The following RFWD3 variants were observed in gnomAD, a reference collection of about 807,000 sequenced individuals.
RFWD3 encodes the protein E3 ubiquitin-protein ligase RFWD3.
RFWD3 carries 65 observed loss-of-function variants against 87.7 expected under a neutral mutation model. That is an observed-to-expected ratio of 0.74 (90% confidence interval 0.61 to 0.91). The LOEUF is 0.91. Among genes scored for constraint, RFWD3 ranks in the 40% least tolerant of loss-of-function variants. The pLI, the probability that RFWD3 is intolerant of heterozygous loss-of-function variation, is 0.00. For synonymous variants in RFWD3, 433 were observed against 352.8 expected, an observed-to-expected ratio of 1.23 and a Z score of -2.55; for missense variants, 1,078 against 938.5, an observed-to-expected ratio of 1.15 and a Z score of -1.94.
chr16:74,664,179 C>T (rs1961690041), intron 1 of RFWD3, among the ~76,000 whole-genome samples: 2 of 152,106 alleles, frequency 1.3e-5, no homozygotes, highest in South Asian at 4.1e-4. Flanking sequence ...TTCAACTCCT[C>T]GGCTCAAGCA....
chr16:74,641,110 T>C (rs909820573), intron 6 of RFWD3, among the ~76,000 whole-genome samples: 1 of 152,106 alleles, frequency 6.6e-6, no homozygotes, highest in Non-Finnish European at 1.5e-5. Flanking sequence ...GCATGGCTAA[T>C]ATTAACAAGT....
rs1555529889 is a variant in RFWD3 at position 74,666,846 on chromosome 16, G to GTAGTTACCTCCA, written c.-64_-63insTGGAGGTAACTA. Reference sequence around the variant, plus strand: ...CGCCGAAGACTCGGTAGTTACCTCGGCCGCACTCCGAATGCACCTACGCCA... The same window carrying GTAGTTACCTCCA: ...CGCCGAAGACTCGGTAGTTACCTCGGTAGTTACCTCCACCGCACTCCGAATGCACCTACGCCA... On this transcript the variant is annotated 5_prime_UTR_variant, in exon 1 of 13. Transcript: ENST00000361070. 4.6e-5 allele frequency: 7 copies of GTAGTTACCTCCA among 152,322 alleles called. No homozygotes were observed. The East Asian group carries it at 7.7e-4, about 17-fold the overall frequency. 9.4% of individuals were successfully genotyped at this position (152,322 alleles called of 1,614,324 possible).
intron 3 of RFWD3, 76 bp downstream of exon 3, chr16:74,651,844 T>C: frequency 7.7e-7 from 1 of 1,305,376 alleles, no homozygotes; most frequent in Non-Finnish European, 1.1e-6. Context: ...AAAGCACAAA[T>C]CTAGTTTCTA....
rs1874295983 is a variant in RFWD3, at chr16:74,649,323, T to C, written c.722-121A>G. 1.4e-5 allele frequency: 9 copies of C among 630,408 alleles called. No homozygotes were observed. In the South Asian group the frequency reaches 1.5e-4, roughly 11 times the overall value. 39.1% of individuals were successfully genotyped at this position (630,408 alleles called of 1,614,324 possible). A position where few individuals can be genotyped will look rare whatever the true frequency, so the allele number is the denominator to read the frequency against. On this transcript the variant is annotated intron_variant, in intron 3 of 12. Transcript: ENST00000361070. ...AGCTTCCCATTTCTAACTGACAGTGTTCCTGCAAAAAGGATGACAACTTCC... is the reference window on the plus strand; with the variant it reads ...AGCTTCCCATTTCTAACTGACAGTGCTCCTGCAAAAAGGATGACAACTTCC...
In RFWD3 at chr16:74,626,465, C is replaced by T. The variant is rs776553550; in HGVS notation, c.2059G>A (p.Val687Ile). 9 of 1,614,010 alleles carry T rather than the reference C, an allele frequency of 5.6e-6. No homozygotes were observed. The highest frequency in any genetic ancestry group is 2.7e-5 in the African/African-American group (2 of 74,914). ...TGNPICSCQP[V>I]HTFFGGPTCK... ...GTAGGTCCTCCAAAAAATGTATGTA[C>T]AGGCTGGCAGGAGCAGATTGGATTT... Residue 687 changes from valine to isoleucine, a missense_variant, in exon 12 of 13, where the codon GTA (valine) becomes ATA (isoleucine). By Grantham distance (29) the Val-to-Ile change is conservative. Transcript: ENST00000361070.
At chr16:74,660,837 C>T (rs1292888028) in intron 2 of RFWD3, 95 bp downstream of exon 2, 1 of 1,434,846 alleles carries the variant, frequency 7.0e-7, no homozygotes, top group African/African-American at 1.4e-5. Context: ...ACCTGACTTG[C>T]CAAAAGTCAC....
chr16:74,627,659 AG>A (rs1265277906), intron 11 of RFWD3, among the ~76,000 whole-genome samples: 1 of 152,218 alleles, frequency 6.6e-6, no homozygotes, highest in East Asian at 1.9e-4. Context: ...TTCAGACAAG[AG>A]CCACAAGGGT....
intron 8 of RFWD3, 59 bp downstream of exon 8, chr16:74,636,287 G>T: frequency 6.7e-7 from 1 of 1,481,568 alleles, no homozygotes; most frequent in Non-Finnish European, 9.3e-7. Flanking sequence ...CAAAAGGCAA[G>T]GAAATAAATA....
chr16:74,651,228 T>TA (rs1314364466), intron 3 of RFWD3, among the ~76,000 whole-genome samples: 6 of 152,180 alleles, frequency 3.9e-5, no homozygotes, highest in African/African-American at 9.7e-5. Context: ...CTACGACTAT[T>TA]AAATAAAGTT....
In RFWD3 at chr16:74,646,960, C is replaced by T. The variant is rs1036167070; in HGVS notation, c.792+2172G>A. Among the ~76,000 whole-genome samples, 77 of 151,928 alleles carry T rather than the reference C, an allele frequency of 5.1e-4. 2 individuals carry two copies. The highest frequency in any genetic ancestry group is 4.1e-3 in the Admixed American group (63 of 15,256). On this transcript the variant is annotated intron_variant, in intron 4 of 12. Coordinates refer to ENST00000361070, the MANE Select transcript of RFWD3 (RefSeq NM_018124.4). ...AAAATTAGCCAGGTGTGGTGGCAGGCGCCTGTAGTCCCAGCTACCGGGAGG... is the reference window on the plus strand; with the variant it reads ...AAAATTAGCCAGGTGTGGTGGCAGGTGCCTGTAGTCCCAGCTACCGGGAGG...
At chr16:74,635,268 G>A (rs1959185089) in intron 8 of RFWD3, among the ~76,000 whole-genome samples, 1 of 151,374 alleles carries the variant, frequency 6.6e-6, no homozygotes, top group African/African-American at 2.4e-5. Context: ...AGGCGAAAGA[G>A]CGAGACTCCA....
At chr16:74,627,520 C>T (rs907290040) in intron 11 of RFWD3, among the ~76,000 whole-genome samples, 5 of 152,152 alleles carry the variant, frequency 3.3e-5, no homozygotes, top group East Asian at 1.9e-4. Context: ...AAGCTGATTC[C>T]GTTATTTCCT....
At chr16:74,639,148 T>C (rs904596649) in intron 6 of RFWD3, among the ~76,000 whole-genome samples, 2 of 151,878 alleles carry the variant, frequency 1.3e-5, no homozygotes, top group African/African-American at 4.8e-5. Flanking sequence ...AAGAGATTTC[T>C]TGCCTCAGCC....
intron 11 of RFWD3, among the ~76,000 whole-genome samples, chr16:74,627,041 A>T (rs1466027652): frequency 6.6e-6 from 1 of 152,214 alleles, no homozygotes; most frequent in Non-Finnish European, 1.5e-5. Flanking sequence ...ATAACAAAAT[A>T]GGACCCCCAG....
intron 2 of RFWD3, among the ~76,000 whole-genome samples, chr16:74,657,131 G>T (rs1273378752): frequency 2.0e-5 from 3 of 152,182 alleles, no homozygotes; most frequent in Non-Finnish European, 4.4e-5. Context: ...ACCACCAACA[G>T]GTCATATAAA....
intron 2 of RFWD3, among the ~76,000 whole-genome samples, chr16:74,653,137 G>C (rs546390028): frequency 6.6e-6 from 1 of 152,208 alleles, no homozygotes; most frequent in African/African-American, 2.4e-5. Context: ...CTAGGAGTTC[G>C]AGACCAGCCT....
At chr16:74,655,725 G>A (rs555955681) in intron 2 of RFWD3, among the ~76,000 whole-genome samples, 7 of 146,716 alleles carry the variant, frequency 4.8e-5, no homozygotes, top group East Asian at 2.1e-4. Context: ...GGGTTTCACC[G>A]TGTTAGCCAG....
rs1012629731 is a variant in RFWD3, at chr16:74,648,894, G to A, written c.792+238C>T. Among the ~76,000 whole-genome samples the A allele has an allele frequency of 3.3e-5, 5 of 151,990 alleles. No individual in the cohort carries two copies. In the East Asian group the frequency reaches 7.7e-4, roughly 24 times the overall value. On this transcript the variant is annotated intron_variant, in intron 4 of 12. Transcript: ENST00000361070. Reference sequence around the variant, plus strand: ...TGAGCCCAGGAGTTCGAAACCAACTGGGTAATATAGTGAGACTCTGTCTAC... The same window carrying A: ...TGAGCCCAGGAGTTCGAAACCAACTAGGTAATATAGTGAGACTCTGTCTAC...
At chr16:74,650,918 T>A (rs996073569) in intron 3 of RFWD3, among the ~76,000 whole-genome samples, 3 of 152,030 alleles carry the variant, frequency 2.0e-5, no homozygotes, top group African/African-American at 7.2e-5. Flanking sequence ...AAAACCCACT[T>A]CATCAACTAT....
Sources: allele counts gnomAD v4.1 joint callset (sites outside exome capture counted in the v4.1 genomes callset), GRCh38; gene constraint gnomAD v4.1.1; transcripts MANE v1.5; gene names NCBI Gene and HGNC (gene_info 2026-07-23, HGNC 2026-07-21).